The following VMP1 variants were observed in gnomAD, a reference collection of about 807,000 sequenced individuals.
The protein encoded by VMP1 is vacuole membrane protein 1.
Under a neutral mutation model 56.0 loss-of-function variants are expected in VMP1, and 11 were observed. That is an observed-to-expected ratio of 0.20 (90% confidence interval 0.12 to 0.32). The LOEUF (loss-of-function observed/expected upper bound fraction) is 0.32. VMP1 is among the 10% of genes least tolerant of loss of function. The probability of loss-of-function intolerance (pLI) is 1.00; values close to 1 mark genes in which losing one functional copy is unlikely to be tolerated. For synonymous variants in VMP1, 149 were observed against 165.0 expected (o/e 0.90, Z 0.74); for missense variants, 296 against 490.3 (o/e 0.60, Z 3.74).
chr17:59,737,714 A>G (rs1022092100), intron 4 of VMP1, among the ~76,000 whole-genome samples, 171 bp downstream of exon 4: 1 of 151,934 alleles, frequency 6.6e-6, no homozygotes, highest in African/African-American at 2.4e-5. Context: ...TATTCTTGTG[A>G]TGTTTTATGG....
intron 9 of VMP1, among the ~76,000 whole-genome samples, chr17:59,812,972 T>C (rs1037214865): frequency 1.3e-5 from 2 of 152,126 alleles, no homozygotes; most frequent in Non-Finnish European, 2.9e-5. Flanking sequence ...TGCCCTTGTA[T>C]GATTCCATGA....
chr17:59,744,289 C>G (rs1208822954), intron 5 of VMP1, among the ~76,000 whole-genome samples: 4 of 150,754 alleles, frequency 2.7e-5, no homozygotes, highest in African/African-American at 4.9e-5. Context: ...GATGAAACCC[C>G]GTCTCTACTA....
chr17:59,806,986 T>G (rs1224938813), intron 7 of VMP1, among the ~76,000 whole-genome samples: 1 of 152,058 alleles, frequency 6.6e-6, no homozygotes, highest in East Asian at 1.9e-4. Flanking sequence ...GTTAGGTTTT[T>G]TGTTTCTTTG....
intron 7 of VMP1, among the ~76,000 whole-genome samples, chr17:59,780,045 C>A (rs1195377472): frequency 6.6e-6 from 1 of 151,916 alleles, no homozygotes; most frequent in Non-Finnish European, 1.5e-5. Flanking sequence ...CTCTTATGTC[C>A]CTGATTAGTT....
At chr17:59,785,051 AAG>A (rs1568141882) in intron 7 of VMP1, 1 of 152,208 alleles carries the variant, frequency 6.6e-6, no homozygotes, top group Admixed American at 6.5e-5. Flanking sequence ...TGAAAAATAA[AAG>A]AACTTATTTG....
intron 1 of VMP1, among the ~76,000 whole-genome samples, chr17:59,722,706 T>TG (rs2034448003): frequency 6.6e-6 from 1 of 152,126 alleles, no homozygotes; most frequent in South Asian, 2.1e-4. Flanking sequence ...TAGCCGGGCA[T>TG]GGGGGTACAT....
chr17:59,820,335 A>G (rs1283808978), intron 10 of VMP1, among the ~76,000 whole-genome samples: 1 of 152,172 alleles, frequency 6.6e-6, no homozygotes, highest in Admixed American at 6.6e-5. Context: ...AAGACCAGAT[A>G]ATTACTTGTT....
chr17:59,791,118 T>A (rs1039598465), intron 7 of VMP1, among the ~76,000 whole-genome samples: 3 of 151,894 alleles, frequency 2.0e-5, no homozygotes, highest in Non-Finnish European at 2.9e-5. Flanking sequence ...TCTAAAATCA[T>A]GGGCCTGTTT....
chr17:59,765,763 A>G (rs1451457342), intron 6 of VMP1, among the ~76,000 whole-genome samples: 2 of 152,044 alleles, frequency 1.3e-5, no homozygotes, highest in Non-Finnish European at 2.9e-5. Flanking sequence ...GAGGTGGAGG[A>G]GGTAGATGGG....
At chr17:59,767,996 G>A (rs1413678436) in intron 6 of VMP1, among the ~76,000 whole-genome samples, 1 of 151,978 alleles carries the variant, frequency 6.6e-6, no homozygotes, top group Non-Finnish European at 1.5e-5. Context: ...TGTATTCTCA[G>A]TGACTTGGGA....
chr17:59,811,901 G>A (rs1230212542), intron 9 of VMP1, 115 bp downstream of exon 9: 8 of 740,872 alleles, frequency 1.1e-5, no homozygotes, highest in Non-Finnish European at 1.6e-5. Flanking sequence ...TTGGTTGGTA[G>A]CTTACTTAGG....
Position 59,722,923 on chromosome 17 carries a change from G to T in VMP1, c.-26-8498G>T, listed in dbSNP as rs2034456198. ...TTTAACTCCTAAATCACATTTTGGGGCCAGCTCTTACATTACCTCACTTTT... is the reference window on the plus strand; with the variant it reads ...TTTAACTCCTAAATCACATTTTGGGTCCAGCTCTTACATTACCTCACTTTT... On this transcript the variant is annotated intron_variant, in intron 1 of 11. Coordinates refer to ENST00000262291, the MANE Select transcript of VMP1 (RefSeq NM_030938.5). 3.3e-5 allele frequency among the ~76,000 whole-genome samples: 5 copies of T among 152,270 alleles called. No homozygotes were observed. The South Asian group carries it at 8.3e-4, about 25-fold the overall frequency.
Position 59,817,609 on chromosome 17 carries a change from T to G in VMP1, c.913-103T>G, listed in dbSNP as rs960068378. 4 of 739,186 alleles carry G rather than the reference T, an allele frequency of 5.4e-6. No homozygotes were observed. The African/African-American group carries it at 5.5e-5, about 10-fold the overall frequency. 45.8% of individuals were successfully genotyped at this position (739,186 alleles called of 1,614,324 possible). ...TTTTAAAGAAATTTAAAAATTGCAA[T>G]TAGGGGCACAATCTTACCTCTTTAG... On this transcript the variant is annotated intron_variant, in intron 9 of 11. Transcript: ENST00000262291.
At position 59,839,949 on chromosome 17, in the gene VMP1, G is replaced by A; in HGVS notation, c.*38G>A. On this transcript the variant is annotated 3_prime_UTR_variant, in exon 12 of 12. Transcript: ENST00000262291. Reference sequence around the variant, plus strand: ...TTAAACTGCAGAAATTGGAGTGGATGGGTTCTGCCTTAAATTGGGAGGACT... The same window carrying A: ...TTAAACTGCAGAAATTGGAGTGGATAGGTTCTGCCTTAAATTGGGAGGACT... 6.2e-7 allele frequency: 1 copy of A among 1,603,058 alleles called. No homozygotes were observed. Among genetic ancestry groups the A allele is most frequent in the Non-Finnish European group, 8.5e-7 (1 of 1,177,638 alleles).
chr17:59,797,576 T>C (rs1336258878), intron 7 of VMP1, among the ~76,000 whole-genome samples: 3 of 152,050 alleles, frequency 2.0e-5, no homozygotes. Context: ...ACTGTATAAT[T>C]CCATTTATAT....
intron 1 of VMP1, among the ~76,000 whole-genome samples, chr17:59,719,113 T>C (rs1408643509): frequency 6.6e-6 from 1 of 152,200 alleles, no homozygotes; most frequent in Admixed American, 6.5e-5. Flanking sequence ...ATTAGTTATT[T>C]TGTTTCCAAG....
chr17:59,819,491 C>G (rs1355772456), intron 10 of VMP1, among the ~76,000 whole-genome samples: 1 of 151,984 alleles, frequency 6.6e-6, no homozygotes, highest in Admixed American at 6.6e-5. Context: ...GACAGAGTCT[C>G]GCTCCAGGCT....
intron 10 of VMP1, among the ~76,000 whole-genome samples, chr17:59,832,153 T>G (rs1157066169): frequency 2.0e-5 from 3 of 151,312 alleles, no homozygotes; most frequent in African/African-American, 7.3e-5. Context: ...TGTTCAAGGT[T>G]CACAGCAAGG....
intron 10 of VMP1, among the ~76,000 whole-genome samples, chr17:59,823,206 T>TAA (rs2038512799): frequency 6.6e-6 from 1 of 152,106 alleles, no homozygotes; most frequent in Non-Finnish European, 1.5e-5. Flanking sequence ...TCCCAGCACT[T>TAA]TGGGAGGCCA....
Sources: gnomAD v4.1 joint callset for allele counts (sites outside exome capture counted in the v4.1 genomes callset) on GRCh38, gnomAD v4.1.1 for gene constraint, MANE v1.5 for transcripts, NCBI Gene and HGNC (gene_info 2026-07-23, HGNC 2026-07-21) for gene names.